Variants in SCFD2 observed in about 807,000 individuals in gnomAD.
SCFD2 encodes the protein sec1 family domain-containing protein 2.
In SCFD2, 54 loss-of-function variants were observed where a neutral mutation model predicts 58.9. That is an observed-to-expected ratio of 0.92 (90% CI 0.74 to 1.15). The LOEUF is 1.15. SCFD2 is among the 50% of genes most tolerant of loss of function. The pLI is 0.00. For missense variants in SCFD2, 805 were observed against 836.6 expected, an observed-to-expected ratio of 0.96 and a Z score of 0.47; for synonymous variants, 321 against 335.9, an observed-to-expected ratio of 0.96 and a Z score of 0.49.
At chr4:53,071,733 T>TA (rs941351841) in intron 5 of SCFD2, among the ~76,000 whole-genome samples, 1 of 151,570 alleles carries the variant, frequency 6.6e-6, no homozygotes, top group Non-Finnish European at 1.5e-5. Flanking sequence ...TCCAGTTTTG[T>TA]AAAAAAAATA....
At chr4:53,342,668 C>G (rs1282852069) in intron 2 of SCFD2, among the ~76,000 whole-genome samples, 1 of 152,218 alleles carries the variant, frequency 6.6e-6, no homozygotes, top group Non-Finnish European at 1.5e-5. Context: ...CTTTCCAGCA[C>G]CATATTGCAC....
intron 7 of SCFD2, among the ~76,000 whole-genome samples, chr4:52,902,453 T>C (rs1719227507): frequency 6.6e-6 from 1 of 152,192 alleles, no homozygotes; most frequent in African/African-American, 2.4e-5. Flanking sequence ...GTTTGTGACT[T>C]CTTCTTTGGG....
chr4:52,885,044 T>C (rs572237788), intron 8 of SCFD2, among the ~76,000 whole-genome samples: 1 of 152,274 alleles, frequency 6.6e-6, no homozygotes, highest in Admixed American at 6.5e-5. Context: ...CTTGGGCCCA[T>C]AAAATAGAAA....
intron 2 of SCFD2, among the ~76,000 whole-genome samples, chr4:53,329,726 C>T (rs560992389): frequency 9.2e-5 from 14 of 151,808 alleles, no homozygotes; most frequent in East Asian, 3.9e-4. Context: ...TCACCAGCAA[C>T]GGAACAAAGC....
chr4:53,352,636 A>G lies in SCFD2; in HGVS notation c.969T>C (p.Asn323=). 1.2e-6 allele frequency: 2 copies of G among 1,613,854 alleles called. No individual in the cohort carries two copies. Among genetic ancestry groups the G allele is most frequent in the South Asian group, 1.1e-5 (1 of 91,040 alleles). The change falls in exon 2 of 9, where the codon AAT becomes AAC. Residue 323 remains asparagine (N), a synonymous_variant. Transcript: ENST00000401642. ...GACAGCCTGGTGCAACCACATTATA[A>G]TTTTCCTCCTCAGTATGGAGTGCAG... is the stretch of plus-strand genomic sequence containing the variant. ...ALTALHTEEE[N]YNVVAPGCLS... is the part of the protein sequence containing the mutation.
chr4:52,929,686 G>A (rs139121448), intron 5 of SCFD2, among the ~76,000 whole-genome samples: 140 of 152,282 alleles, frequency 9.2e-4, no homozygotes, highest in African/African-American at 3.2e-3. Context: ...CCCAGAAAGC[G>A]GGAATCCTGT....
At chr4:53,167,858 T>C (rs1727054939) in intron 4 of SCFD2, among the ~76,000 whole-genome samples, 1 of 152,216 alleles carries the variant, frequency 6.6e-6, no homozygotes, top group South Asian at 2.1e-4. Context: ...AATTATGCTA[T>C]ATATTTTATT....
chr4:53,269,161 A>G (rs1284895831), intron 4 of SCFD2, among the ~76,000 whole-genome samples: 3 of 152,124 alleles, frequency 2.0e-5, no homozygotes, highest in Non-Finnish European at 4.4e-5. Flanking sequence ...TTCTACAAAA[A>G]ATAAAAAATA....
chr4:52,930,922 T>C (rs1319661469), intron 5 of SCFD2, among the ~76,000 whole-genome samples: 2 of 152,222 alleles, frequency 1.3e-5, no homozygotes, highest in African/African-American at 4.8e-5. Flanking sequence ...TATTATCGGC[T>C]GTCACCATGG....
Position 53,267,795 on chromosome 4 carries a change from T to C in SCFD2, c.1311+6031A>G, listed in dbSNP as rs1731036156. ...TTAGTTGTTGAAAGAACCACACCAA[T>C]TACCATGATCACATCTAATAGTCTA... is the stretch of plus-strand genomic sequence containing the variant. On this transcript the variant is annotated intron_variant, in intron 4 of 8. Coordinates refer to ENST00000401642, the MANE Select transcript of SCFD2 (RefSeq NM_152540.4). Among the ~76,000 whole-genome samples the C allele has an allele frequency of 2.0e-5, 3 of 152,226 alleles. No homozygotes were observed. In the South Asian group the frequency reaches 6.2e-4, roughly 32 times the overall value.
Position 53,286,862 on chromosome 4 carries a change from G to T in SCFD2, c.1136-12861C>A, listed in dbSNP as rs1731684310. Among the ~76,000 whole-genome samples the T allele has an allele frequency of 3.3e-5, 5 of 152,012 alleles. No individual in the cohort carries two copies. The South Asian group carries it at 1.0e-3, about 32-fold the overall frequency. ...CTGGGCCCTTGGTGCTACTGCACTT[G>T]GCCTCACAGAGCCGATGTCACTACC... On this transcript the variant is annotated intron_variant, in intron 3 of 8. Transcript: ENST00000401642.
intron 4 of SCFD2, among the ~76,000 whole-genome samples, chr4:53,179,190 C>T (rs1354141230): frequency 1.3e-5 from 2 of 152,102 alleles, no homozygotes. Flanking sequence ...CTCCAAGACA[C>T]ATAATTGTCA....
chr4:52,918,745 C>T (rs558765487), intron 6 of SCFD2, among the ~76,000 whole-genome samples: 3 of 152,238 alleles, frequency 2.0e-5, no homozygotes, highest in South Asian at 4.2e-4. Context: ...ACCTACATGT[C>T]CCCTCACTGC....
chr4:52,913,213 G>C (rs1719526607), intron 6 of SCFD2, among the ~76,000 whole-genome samples: 1 of 140,806 alleles, frequency 7.1e-6, no homozygotes, highest in African/African-American at 2.5e-5. Context: ...CCAACCCCAG[G>C]CCATGGACCG....
intron 4 of SCFD2, among the ~76,000 whole-genome samples, chr4:53,191,244 G>A (rs1727883241): frequency 6.6e-6 from 1 of 151,930 alleles, no homozygotes; most frequent in African/African-American, 2.4e-5. Flanking sequence ...CAGCTACTTG[G>A]GAGGCAGCTG....
intron 5 of SCFD2, among the ~76,000 whole-genome samples, chr4:53,141,508 T>C (rs935056162): frequency 1.1e-4 from 16 of 152,210 alleles, no homozygotes; most frequent in African/African-American, 3.6e-4. Context: ...TTTGAGAAAT[T>C]TTGTCTTTCA....
intron 5 of SCFD2, among the ~76,000 whole-genome samples, chr4:53,006,312 G>T (rs972866661): frequency 1.3e-5 from 2 of 152,194 alleles, no homozygotes; most frequent in South Asian, 2.1e-4. Flanking sequence ...ACCTAAAATT[G>T]GCTCTCCCCT....
chr4:53,132,779 G>A (rs1725821309), intron 5 of SCFD2, among the ~76,000 whole-genome samples: 1 of 152,140 alleles, frequency 6.6e-6, no homozygotes, highest in Non-Finnish European at 1.5e-5. Flanking sequence ...AGTTGCCATA[G>A]CAACATCCTT....
chr4:53,343,252 G>A (rs1051492531), intron 2 of SCFD2, among the ~76,000 whole-genome samples: 1 of 152,004 alleles, frequency 6.6e-6, no homozygotes, highest in Non-Finnish European at 1.5e-5. Context: ...TAGATGTGAT[G>A]AAAAATGATA....
Sources: gnomAD v4.1 joint callset for allele counts (sites outside exome capture counted in the v4.1 genomes callset) on GRCh38, gnomAD v4.1.1 for gene constraint, MANE v1.5 for transcripts, NCBI Gene and HGNC (gene_info 2026-07-23, HGNC 2026-07-21) for gene names.